Variants in GPC6 observed in about 807,000 individuals in gnomAD.
GPC6 encodes glypican-6.
GPC6 carries 14 observed loss-of-function variants against 55.2 expected under a neutral mutation model. That is an observed-to-expected ratio of 0.25 (90% CI 0.17 to 0.40). GPC6 has a LOEUF of 0.40. Among genes scored for constraint, GPC6 ranks in the 10% least tolerant of loss-of-function variants. GPC6 has a pLI of 1.00. For missense variants in GPC6, 641 were observed against 708.5 expected (o/e 0.90, Z 1.08); for synonymous variants, 278 against 259.6 (o/e 1.07, Z -0.68).
intron 3 of GPC6, among the ~76,000 whole-genome samples, chr13:93,852,215 A>G (rs1888429414): frequency 6.6e-6 from 1 of 151,786 alleles, no homozygotes; most frequent in Non-Finnish European, 1.5e-5. Context: ...TGGCAAACAA[A>G]GGAACACACA....
intron 3 of GPC6, among the ~76,000 whole-genome samples, chr13:93,944,235 G>T (rs1011948192): frequency 5.3e-5 from 8 of 150,260 alleles, no homozygotes; most frequent in African/African-American, 1.7e-4. Context: ...ACGGAGTCTT[G>T]CTCTGTCGCC....
At chr13:94,197,133 G>T (rs951622035) in intron 4 of GPC6, among the ~76,000 whole-genome samples, 3 of 152,122 alleles carry the variant, frequency 2.0e-5, no homozygotes, top group African/African-American at 7.2e-5. Flanking sequence ...AGGGAAGATG[G>T]AATGGGGTGA....
At position 93,626,922 on chromosome 13, in the gene GPC6, C is replaced by A. The variant is rs567849279; in HGVS notation, c.319+81501C>A. On this transcript the variant is annotated intron_variant, in intron 2 of 8. Coordinates refer to ENST00000377047, the MANE Select transcript of GPC6 (RefSeq NM_005708.5). The stretch of plus-strand genomic sequence containing the variant: ...GGGGAGGCCTCAGGAAACTTACAAT[C>A]ATGGTAGAAGGCAAAGGGGGAAGCG... 8.6e-4 allele frequency among the ~76,000 whole-genome samples: 131 copies of A among 152,078 alleles called. 5 individuals are homozygous for A. In the South Asian group the frequency reaches 0.026, roughly 31 times the overall value.
At chr13:94,065,127 G>A (rs748582832) in intron 4 of GPC6, among the ~76,000 whole-genome samples, 1 of 152,030 alleles carries the variant, frequency 6.6e-6, no homozygotes, top group Non-Finnish European at 1.5e-5. Context: ...CACCTCAGTA[G>A]TAAATCCTCA....
chr13:93,852,635 C>A (rs1481866945), intron 3 of GPC6, among the ~76,000 whole-genome samples: 1 of 151,528 alleles, frequency 6.6e-6, no homozygotes, highest in African/African-American at 2.4e-5. Flanking sequence ...TAGCAGAAAA[C>A]CACTGAAAAG....
intron 3 of GPC6, among the ~76,000 whole-genome samples, chr13:93,999,296 T>C (rs1881694719): frequency 6.6e-6 from 1 of 152,174 alleles, no homozygotes; most frequent in Admixed American, 6.6e-5. Flanking sequence ...TTTTCTGTTC[T>C]TATGATAGTT....
intron 1 of GPC6, chr13:93,395,399 C>G (rs138064756): frequency 6.7e-6 from 2 of 300,642 alleles, no homozygotes; most frequent in African/African-American, 2.2e-5. Flanking sequence ...CACAGAATCA[C>G]GGCCATCAAA....
At chr13:93,593,949 T>A (rs1220279314) in intron 2 of GPC6, among the ~76,000 whole-genome samples, 3 of 152,090 alleles carry the variant, frequency 2.0e-5, no homozygotes, top group African/African-American at 7.2e-5. Context: ...CAGAAAAATA[T>A]GTATATTAGG....
At chr13:94,261,140 G>T (rs371939159) in intron 4 of GPC6, among the ~76,000 whole-genome samples, 1 of 152,100 alleles carries the variant, frequency 6.6e-6, no homozygotes, top group Non-Finnish European at 1.5e-5. Context: ...CAGGCGTGGT[G>T]GTGGGCGCCT....
intron 2 of GPC6, among the ~76,000 whole-genome samples, chr13:93,693,397 A>T (rs543805880): frequency 9.9e-5 from 15 of 150,836 alleles, no homozygotes; most frequent in African/African-American, 3.7e-4. Flanking sequence ...CCAATCTGTA[A>T]TTTATTCTTA....
chr13:93,642,039 G>C (rs1879970038), intron 2 of GPC6, among the ~76,000 whole-genome samples: 1 of 151,954 alleles, frequency 6.6e-6, no homozygotes, highest in Admixed American at 6.6e-5. Context: ...GGCACCTGTA[G>C]GTTTGTTACA....
At chr13:94,079,685 A>C (rs1885040120) in intron 4 of GPC6, among the ~76,000 whole-genome samples, 1 of 152,208 alleles carries the variant, frequency 6.6e-6, no homozygotes, top group South Asian at 2.1e-4. Context: ...CTACATTTCA[A>C]AAATTGTGAA....
intron 3 of GPC6, among the ~76,000 whole-genome samples, chr13:93,999,175 C>A (rs1881688796): frequency 6.6e-6 from 1 of 152,182 alleles, no homozygotes; most frequent in Non-Finnish European, 1.5e-5. Context: ...TGCTATCCCT[C>A]CCCTAGCTCC....
intron 4 of GPC6, among the ~76,000 whole-genome samples, chr13:94,079,824 T>C (rs1885044629): frequency 6.6e-6 from 1 of 152,226 alleles, no homozygotes; most frequent in Admixed American, 6.5e-5. Context: ...GCTACCTGGA[T>C]GACAGTGTCT....
At chr13:93,540,377 T>G (rs948079783) in intron 1 of GPC6, among the ~76,000 whole-genome samples, 1 of 152,168 alleles carries the variant, frequency 6.6e-6, no homozygotes, top group Non-Finnish European at 1.5e-5. Context: ...AGTATTGGAG[T>G]ATTTCTCTGA....
intron 7 of GPC6, among the ~76,000 whole-genome samples, chr13:94,393,467 C>A (rs1282542238): frequency 6.6e-6 from 1 of 152,122 alleles, no homozygotes; most frequent in Non-Finnish European, 1.5e-5. Context: ...AACTCTTAAG[C>A]CTGCTTAACA....
chr13:94,354,576 A>G (rs1220283669), intron 6 of GPC6, among the ~76,000 whole-genome samples: 1 of 152,236 alleles, frequency 6.6e-6, no homozygotes, highest in Non-Finnish European at 1.5e-5. Flanking sequence ...GAAGAATTCA[A>G]CTAAAGGTTC....
chr13:93,782,347 G>A (rs1482990393), intron 2 of GPC6, among the ~76,000 whole-genome samples: 1 of 152,102 alleles, frequency 6.6e-6, no homozygotes, highest in Admixed American at 6.5e-5. Context: ...AGACACTTAA[G>A]TTGATTCCAT....
chr13:93,708,952 G>A (rs771532068), intron 2 of GPC6, among the ~76,000 whole-genome samples: 4 of 151,714 alleles, frequency 2.6e-5, no homozygotes. Flanking sequence ...AGGGAGAAAA[G>A]GGCAGAGTTT....
Sources: allele counts gnomAD v4.1 joint callset (sites outside exome capture counted in the v4.1 genomes callset), GRCh38; gene constraint gnomAD v4.1.1; transcripts MANE v1.5; gene names NCBI Gene and HGNC (gene_info 2026-07-23, HGNC 2026-07-21).